Variants in STARD13 observed in about 807,000 individuals in gnomAD.
STARD13 encodes the protein StAR related lipid transfer domain containing 13.
In STARD13, 62 loss-of-function variants were observed where a neutral mutation model predicts 106.4. That is an observed-to-expected ratio of 0.58 (90% CI 0.48 to 0.72). STARD13 has a LOEUF of 0.72. Among genes scored for constraint, STARD13 ranks in the 30% least tolerant of loss-of-function variants. The pLI, the probability that STARD13 is intolerant of heterozygous loss-of-function variation, is 0.00. For missense variants in STARD13, 1,387 were observed against 1,424.0 expected (o/e 0.97, Z 0.42); for synonymous variants, 565 against 553.0 (o/e 1.02, Z -0.31).
rs202111154 is a variant in STARD13, at chr13:33,129,120, C to T, written c.1557G>A (p.Gly519=). 5 of 1,614,062 alleles carry T rather than the reference C, an allele frequency of 3.1e-6. No homozygotes were observed. Among genetic ancestry groups the T allele is most frequent in the Non-Finnish European group, 4.2e-6 (5 of 1,180,036 alleles). ...PELQTHDTLV[G]EPGLSTFPSP... ...ATGGAAAGGTGGATAAGCCAGGTTCCCCAACCAATGTATCATGAGTTTGCA... is the reference window on the plus strand; with the variant it reads ...ATGGAAAGGTGGATAAGCCAGGTTCTCCAACCAATGTATCATGAGTTTGCA... The change falls in exon 5 of 14, where the codon GGG becomes GGA. Residue 519 remains glycine (G), a synonymous_variant. Transcript: ENST00000336934.
intron 1 of STARD13, among the ~76,000 whole-genome samples, chr13:33,245,040 G>A (rs76985168): frequency 0.026 from 3,903 of 152,210 alleles, 90 homozygotes; most frequent in Non-Finnish European, 0.04. Flanking sequence ...CAAATGTTAG[G>A]GACAGTTCCA....
At chr13:33,468,817 T>C in the STARD13 span, among the ~76,000 whole-genome samples, 1 of 152,144 alleles carries the variant, frequency 6.6e-6, no homozygotes, top group African/African-American at 2.4e-5. Flanking sequence ...TCCATATGAG[T>C]ATTTCTCACC....
chr13:33,448,950 G>A, the STARD13 span, among the ~76,000 whole-genome samples: 2 of 151,656 alleles, frequency 1.3e-5, no homozygotes, highest in Non-Finnish European at 2.9e-5. Flanking sequence ...TGTTGTTGTT[G>A]AGTTGTTTCA....
At chr13:33,587,462 C>G in the STARD13 span, among the ~76,000 whole-genome samples, 1 of 152,072 alleles carries the variant, frequency 6.6e-6, no homozygotes, top group East Asian at 1.9e-4. Flanking sequence ...CATCAAATTC[C>G]TTATAAACAA....
chr13:33,520,852 G>A, the STARD13 span, among the ~76,000 whole-genome samples: 1 of 152,104 alleles, frequency 6.6e-6, no homozygotes, highest in African/African-American at 2.4e-5. Flanking sequence ...CATAGCTAAA[G>A]TACAGGCTTT....
intron 1 of STARD13, among the ~76,000 whole-genome samples, chr13:33,222,948 G>C (rs1393756000): frequency 6.6e-6 from 1 of 152,232 alleles, no homozygotes; most frequent in Non-Finnish European, 1.5e-5. Context: ...TTGGACCACT[G>C]GCCTGTGAAG....
At chr13:33,237,382 G>T (rs1484749130) in intron 1 of STARD13, among the ~76,000 whole-genome samples, 1 of 152,184 alleles carries the variant, frequency 6.6e-6, no homozygotes, top group Non-Finnish European at 1.5e-5. Context: ...CAGCAAGAAG[G>T]CATTGTGTTA....
chr13:33,539,375 A>T, the STARD13 span, among the ~76,000 whole-genome samples: 1 of 152,234 alleles, frequency 6.6e-6, no homozygotes, highest in Non-Finnish European at 1.5e-5. Context: ...TCAAAATCCC[A>T]GCAGATGTTT....
At chr13:33,299,496 C>G (rs1359868047) in intron 1 of STARD13, among the ~76,000 whole-genome samples, 1 of 150,030 alleles carries the variant, frequency 6.7e-6, no homozygotes, top group Admixed American at 6.6e-5. Context: ...ATTCTTTTCT[C>G]AGGATGAAGA....
the STARD13 span, among the ~76,000 whole-genome samples, chr13:33,438,791 A>T: frequency 6.6e-6 from 1 of 152,186 alleles, no homozygotes; most frequent in Non-Finnish European, 1.5e-5. Context: ...CTGAATAATG[A>T]ACTGAAACTG....
chr13:33,493,413 A>T, the STARD13 span, among the ~76,000 whole-genome samples: 15 of 152,234 alleles, frequency 9.9e-5, no homozygotes, highest in Non-Finnish European at 1.9e-4. Context: ...ACTATGCAAC[A>T]CAGTGAACAC....
chr13:33,602,391 G>C, the STARD13 span, among the ~76,000 whole-genome samples: 1 of 152,110 alleles, frequency 6.6e-6, no homozygotes, highest in African/African-American at 2.4e-5. Context: ...AAAACACCTA[G>C]TAATGTTTTT....
At chr13:33,135,989 G>C (rs910790295) in intron 4 of STARD13, among the ~76,000 whole-genome samples, 1 of 152,104 alleles carries the variant, frequency 6.6e-6, no homozygotes, top group African/African-American at 2.4e-5. Context: ...TGGTATGGTG[G>C]TGCATGCCTG....
Position 33,127,343 on chromosome 13 carries a change from G to T in STARD13, c.1922+30C>A, listed in dbSNP as rs1877331337. On this transcript the variant is annotated intron_variant, in intron 6 of 13. Coordinates refer to ENST00000336934, the MANE Select transcript of STARD13 (RefSeq NM_178006.4). ...TCACACACTTAGCTCTAGAGCCAAGGATCCCCTCCTAGGTGAATGTGCTAC... is the reference window on the plus strand; with the variant it reads ...TCACACACTTAGCTCTAGAGCCAAGTATCCCCTCCTAGGTGAATGTGCTAC... 4.6e-6 allele frequency: 7 copies of T among 1,529,212 alleles called. No homozygotes were observed. In the East Asian group the frequency reaches 1.7e-4, roughly 37 times the overall value. 94.7% of individuals were successfully genotyped at this position (1,529,212 alleles called of 1,614,324 possible).
chr13:33,152,323 A>G (rs1362033078), intron 3 of STARD13, among the ~76,000 whole-genome samples: 1 of 150,560 alleles, frequency 6.6e-6, no homozygotes, highest in African/African-American at 2.5e-5. Context: ...CCTCCTTCAC[A>G]TGTTTTTTTC....
chr13:33,423,645 G>A, the STARD13 span, among the ~76,000 whole-genome samples: 17 of 152,128 alleles, frequency 1.1e-4, no homozygotes, highest in African/African-American at 3.9e-4. Flanking sequence ...ACAGGCACTC[G>A]CATGTTTATT....
rs151141130 is a variant in STARD13 at position 33,270,643 on chromosome 13, T to G, written c.169+14827A>C. Among the ~76,000 whole-genome samples, 20 of 152,348 alleles carry G rather than the reference T, an allele frequency of 1.3e-4. No individual in the cohort carries two copies. The East Asian group carries it at 3.9e-3, about 29-fold the overall frequency. ...CGTGCTCGAGAACCCAGGCCTCCCG[T>G]ACCCAGATTTCCCAAGCTTGCCATA... On this transcript the variant is annotated intron_variant, in intron 1 of 13. Coordinates refer to ENST00000336934, the MANE Select transcript of STARD13 (RefSeq NM_178006.4).
chr13:33,570,931 A>T, the STARD13 span, among the ~76,000 whole-genome samples: 1 of 152,198 alleles, frequency 6.6e-6, no homozygotes, highest in Admixed American at 6.5e-5. Flanking sequence ...ATACAGAAAG[A>T]TATGGCTTGA....
chr13:33,416,553 A>G, the STARD13 span, among the ~76,000 whole-genome samples: 1 of 152,212 alleles, frequency 6.6e-6, no homozygotes, highest in Non-Finnish European at 1.5e-5. Flanking sequence ...CTATTTTAAA[A>G]TTAAATCACA....
Sources: gnomAD v4.1 joint callset for allele counts (sites outside exome capture counted in the v4.1 genomes callset) on GRCh38, gnomAD v4.1.1 for gene constraint, MANE v1.5 for transcripts, NCBI Gene and HGNC (gene_info 2026-07-23, HGNC 2026-07-21) for gene names.